COL21A1: variants seen among roughly 807,000 people sequenced by gnomAD.
The protein encoded by COL21A1 is collagen alpha-1(XXI) chain.
In COL21A1, 149 loss-of-function variants were observed where a neutral mutation model predicts 137.9. That is an observed-to-expected ratio of 1.08 (90% CI 0.95 to 1.24). The LOEUF is 1.24. Among genes scored for constraint, COL21A1 ranks in the 50% most tolerant of loss-of-function variants. The probability of loss-of-function intolerance (pLI) is 0.00; values close to 1 mark genes in which losing one functional copy is unlikely to be tolerated. For missense variants in COL21A1, 1,167 were observed against 1,158.4 expected (o/e 1.01, Z -0.11); for synonymous variants, 456 against 391.5 (o/e 1.16, Z -1.95).
intron 1 of COL21A1, among the ~76,000 whole-genome samples, chr6:56,208,647 T>C (rs1372376668): frequency 1.3e-5 from 2 of 152,162 alleles, no homozygotes; most frequent in East Asian, 3.9e-4. Flanking sequence ...TACCATTGAG[T>C]TTCTTCACTG....
chr6:56,197,702 G>C (rs955071758), intron 1 of COL21A1, among the ~76,000 whole-genome samples: 7 of 151,954 alleles, frequency 4.6e-5, no homozygotes, highest in Non-Finnish European at 8.8e-5. Flanking sequence ...TCAAAAGATA[G>C]CAAGCGTTGG....
At chr6:56,167,585 G>C (rs1042026847) in intron 6 of COL21A1, among the ~76,000 whole-genome samples, 2 of 152,104 alleles carry the variant, frequency 1.3e-5, no homozygotes, top group African/African-American at 4.8e-5. Flanking sequence ...TCTAGAAATG[G>C]CATTTACAGA....
intron 1 of COL21A1, among the ~76,000 whole-genome samples, chr6:56,304,126 C>T (rs900200885): frequency 3.3e-5 from 5 of 152,114 alleles, no homozygotes; most frequent in African/African-American, 9.7e-5. Context: ...CTGCTGGATT[C>T]GGTTTGTGAA....
At chr6:56,175,075 A>G (rs936377319) in intron 3 of COL21A1, among the ~76,000 whole-genome samples, 13 of 152,118 alleles carry the variant, frequency 8.5e-5, no homozygotes, top group African/African-American at 3.1e-4. Context: ...GCAGAAAAAT[A>G]ATTGACAAAA....
intron 19 of COL21A1, among the ~76,000 whole-genome samples, chr6:56,074,646 C>A (rs1230056605): frequency 6.6e-6 from 1 of 151,010 alleles, no homozygotes; most frequent in Non-Finnish European, 1.5e-5. Flanking sequence ...AGATGTTATC[C>A]TGATTAACAT....
chr6:56,234,056 A>G (rs1781752062), intron 1 of COL21A1, among the ~76,000 whole-genome samples: 1 of 151,854 alleles, frequency 6.6e-6, no homozygotes, highest in Admixed American at 6.6e-5. Flanking sequence ...TCCAAATAAC[A>G]GAAAAAATCA....
intron 1 of COL21A1, among the ~76,000 whole-genome samples, chr6:56,215,762 AT>A (rs1780441671): frequency 6.6e-6 from 1 of 152,026 alleles, no homozygotes; most frequent in Non-Finnish European, 1.5e-5. Flanking sequence ...CTTCCTTTAA[AT>A]TTTTTAACAG....
intron 12 of COL21A1, among the ~76,000 whole-genome samples, chr6:56,138,176 T>C (rs760954267): frequency 6.6e-6 from 1 of 152,006 alleles, no homozygotes; most frequent in Non-Finnish European, 1.5e-5. Context: ...TTGTAACAAC[T>C]CCAAGTTTCT....
At chr6:56,120,600 C>T (rs1273533614) in intron 16 of COL21A1, among the ~76,000 whole-genome samples, 1 of 152,090 alleles carries the variant, frequency 6.6e-6, no homozygotes, top group Non-Finnish European at 1.5e-5. Flanking sequence ...AATTCGAGAA[C>T]AGCCTTGCCA....
chr6:56,087,679 T>A (rs1166306057), intron 17 of COL21A1, among the ~76,000 whole-genome samples: 1 of 152,154 alleles, frequency 6.6e-6, no homozygotes, highest in Non-Finnish European at 1.5e-5. Flanking sequence ...GAAGTCCTGA[T>A]TATAAACCCA....
intron 17 of COL21A1, chr6:56,078,012 T>C: frequency 2.2e-6 from 1 of 449,534 alleles, no homozygotes; most frequent in South Asian, 1.6e-5. Flanking sequence ...AATGATTGCC[T>C]CCCACCTGAG....
chr6:56,200,350 A>C lies in COL21A1; in HGVS notation c.-38-17694T>G, dbSNP rs184917380. Among the ~76,000 whole-genome samples, 3 of 152,266 alleles carry C rather than the reference A, an allele frequency of 2.0e-5. No individual in the cohort carries two copies. The East Asian group carries it at 5.8e-4, about 29-fold the overall frequency. ...TTTAAGTTTTAGGGTACATGTGCAC[A>C]ACGTGCAGGTTGGTTACATATGTAT... On this transcript the variant is annotated intron_variant, in intron 1 of 29. Coordinates refer to ENST00000244728, the MANE Select transcript of COL21A1 (RefSeq NM_030820.4).
At chr6:56,242,116 C>G (rs1782362745) in intron 1 of COL21A1, among the ~76,000 whole-genome samples, 1 of 152,074 alleles carries the variant, frequency 6.6e-6, no homozygotes, top group Non-Finnish European at 1.5e-5. Flanking sequence ...AAAACACATG[C>G]CTATACATAC....
At chr6:56,391,778 T>C (rs906113289) in intron 1 of COL21A1, among the ~76,000 whole-genome samples, 2 of 152,150 alleles carry the variant, frequency 1.3e-5, no homozygotes, top group South Asian at 4.1e-4. Context: ...TATACAATTT[T>C]ATACATACAA....
chr6:56,181,343 T>C (rs893318439), intron 2 of COL21A1, among the ~76,000 whole-genome samples: 2 of 152,100 alleles, frequency 1.3e-5, no homozygotes, highest in African/African-American at 4.8e-5. Flanking sequence ...TTTGGAAGCT[T>C]GGAAGCTGGA....
chr6:56,117,203 A>G (rs999538274), intron 16 of COL21A1, among the ~76,000 whole-genome samples: 1 of 151,968 alleles, frequency 6.6e-6, no homozygotes, highest in African/African-American at 2.4e-5. Flanking sequence ...CCTACAGTAA[A>G]CACACTTCAC....
intron 1 of COL21A1, among the ~76,000 whole-genome samples, chr6:56,215,663 TTAAGTAAAATGC>T (rs1780435919): frequency 6.6e-6 from 1 of 152,072 alleles, no homozygotes; most frequent in Non-Finnish European, 1.5e-5. Context: ...TGAAGGGTTG[TTAAGTAAAATGC>T]TAAGTAAAAT....
intron 16 of COL21A1, 125 bp downstream of exon 16, chr6:56,123,937 T>C: frequency 1.3e-6 from 1 of 777,536 alleles, no homozygotes; most frequent in Non-Finnish European, 2.0e-6. Flanking sequence ...AAAAACCTTT[T>C]AGCTCATGAA....
intron 1 of COL21A1, among the ~76,000 whole-genome samples, chr6:56,227,095 A>G (rs889384795): frequency 1.3e-5 from 2 of 151,992 alleles, no homozygotes; most frequent in African/African-American, 4.8e-5. Flanking sequence ...AAAACTCTGC[A>G]ATGCTGGTTT....
Sources: gnomAD v4.1 joint callset for allele counts (sites outside exome capture counted in the v4.1 genomes callset) on GRCh38, gnomAD v4.1.1 for gene constraint, MANE v1.5 for transcripts, NCBI Gene and HGNC (gene_info 2026-07-23, HGNC 2026-07-21) for gene names.